The following CASZ1 variants were observed in gnomAD, a reference collection of about 807,000 sequenced individuals.
The protein encoded by CASZ1 is zinc finger protein castor homolog 1.
In CASZ1, 28 loss-of-function variants were observed where a neutral mutation model predicts 135.2. That is an observed-to-expected ratio of 0.21 (90% confidence interval 0.15 to 0.28). CASZ1 has a LOEUF of 0.28. Ranked by LOEUF, CASZ1 falls within the 10% of genes least tolerant of loss-of-function variation. CASZ1 has a pLI of 1.00. For missense variants in CASZ1, 2,161 were observed against 2,453.3 expected (o/e 0.88, Z 2.52); for synonymous variants, 1,068 against 1,073.4 (o/e 0.99, Z 0.10).
chr1:10,705,994 C>T (rs1639165294), intron 2 of CASZ1, among the ~76,000 whole-genome samples: 1 of 152,216 alleles, frequency 6.6e-6, no homozygotes, highest in African/African-American at 2.4e-5. Context: ...CCCCGGGGCC[C>T]CTGAACATAA....
chr1:10,765,541 C>A (rs1459885877), intron 1 of CASZ1, among the ~76,000 whole-genome samples: 2 of 152,164 alleles, frequency 1.3e-5, no homozygotes, highest in African/African-American at 4.8e-5. Flanking sequence ...TTCGACGGTA[C>A]ACAAACAGGG....
intron 9 of CASZ1, among the ~76,000 whole-genome samples, chr1:10,655,212 G>A (rs1410087321): frequency 6.6e-6 from 1 of 152,158 alleles, no homozygotes; most frequent in Non-Finnish European, 1.5e-5. Flanking sequence ...GACAAATACC[G>A]GGGGAGGCAT....
chr1:10,680,343 G>A (rs1216438224), intron 4 of CASZ1, among the ~76,000 whole-genome samples: 1 of 152,020 alleles, frequency 6.6e-6, no homozygotes, highest in Non-Finnish European at 1.5e-5. Context: ...AGCTGAACTT[G>A]GACCCCCAGG....
At position 10,717,738 on chromosome 1, in the gene CASZ1, CG is replaced by C. The variant is rs1639421204; in HGVS notation, c.-76-12195del. On this transcript the variant is annotated intron_variant, in intron 2 of 20. Coordinates refer to ENST00000377022, the MANE Select transcript of CASZ1 (RefSeq NM_001079843.3). This position sits in a 1 kb window ranked among gnomAD's most constrained non-coding sequence, Gnocchi z 4.6. ...GTCAGAGCTGCCGGCACCCTGAACT[CG>C]GTCCCAGGGCGTGGCATGGGGCTTC... 6.6e-6 allele frequency among the ~76,000 whole-genome samples: 1 copy of C among 152,290 alleles called. No homozygotes were observed. Among genetic ancestry groups the C allele is most frequent in the South Asian group, 2.1e-4 (1 of 4,828 alleles).
In CASZ1 at chr1:10,647,209, G is replaced by A. The variant is rs116613665; in HGVS notation, c.3497+592C>T. The A allele has an allele frequency of 2.2e-5, 22 of 987,918 alleles. No homozygotes were observed. Among genetic ancestry groups the A allele is most frequent in the Non-Finnish European group, 2.6e-5 (22 of 831,120 alleles). The allele number at this position is 987,918 out of a possible 1,614,324, so 61.2% of individuals were successfully genotyped here. A position where few individuals can be genotyped will look rare whatever the true frequency, so the allele number is the denominator to read the frequency against. On this transcript the variant is annotated intron_variant, in intron 16 of 20. Transcript: ENST00000377022. This position sits in a 1 kb window ranked among gnomAD's most constrained non-coding sequence, Gnocchi z 4.9. ...GAGGGAGGACAGCTGCCACTCAGGC[G>A]ATATAAATAATCCAATTTATTACTT...
At chr1:10,714,852 C>G in intron 2 of CASZ1, among the ~76,000 whole-genome samples, 1 of 152,164 alleles carries the variant, frequency 6.6e-6, no homozygotes, top group African/African-American at 2.4e-5. Context: ...CCTGGCCAGC[C>G]CAACCCCCAC....
Position 10,717,661 on chromosome 1 carries a change from C to T in CASZ1, c.-76-12117G>A, listed in dbSNP as rs899318541. On this transcript the variant is annotated intron_variant, in intron 2 of 20. Coordinates refer to ENST00000377022, the MANE Select transcript of CASZ1 (RefSeq NM_001079843.3). This position sits in a 1 kb window ranked among gnomAD's most constrained non-coding sequence, Gnocchi z 4.6. ...GAGGACATGGATGGGGGGCAGGGGG[C>T]AGGGGACAGGGGCGGAGGTAGAAAA... 2.0e-5 allele frequency among the ~76,000 whole-genome samples: 3 copies of T among 151,998 alleles called. No homozygotes were observed. Among genetic ancestry groups the T allele is most frequent in the African/African-American group, 7.3e-5 (3 of 41,342 alleles).
chr1:10,796,243 G>T (rs974421380), intron 1 of CASZ1, among the ~76,000 whole-genome samples: 1 of 151,814 alleles, frequency 6.6e-6, no homozygotes, highest in Non-Finnish European at 1.5e-5. Flanking sequence ...GCGACCCCCA[G>T]GAGGAGCAGC....
intron 2 of CASZ1, among the ~76,000 whole-genome samples, chr1:10,730,185 G>A (rs766411320): frequency 6.0e-5 from 9 of 151,012 alleles, no homozygotes; most frequent in Non-Finnish European, 1.0e-4. Context: ...ATCTCGGGTC[G>A]CTGCAACCTC....
rs758446268 is a variant in CASZ1 at position 10,659,689 on chromosome 1, G to C, written c.1340+13C>G. ...TCCTGGCTCTGGGCATTGTGGGGTG[G>C]GGAGCGCCTTACTTGACAGTGGAGA... On this transcript the variant is annotated intron_variant, in intron 6 of 20. Coordinates refer to ENST00000377022, the MANE Select transcript of CASZ1 (RefSeq NM_001079843.3). The C allele has an allele frequency of 9.4e-6, 15 of 1,601,072 alleles. No homozygotes were observed. The highest frequency in any genetic ancestry group is 1.2e-5 in the Non-Finnish European group (14 of 1,168,318).
At chr1:10,685,088 A>G (rs762409429) in intron 4 of CASZ1, among the ~76,000 whole-genome samples, 1 of 152,232 alleles carries the variant, frequency 6.6e-6, no homozygotes, top group Non-Finnish European at 1.5e-5. Flanking sequence ...TTAATTTACT[A>G]TTACATTGGA....
chr1:10,697,105 G>A lies in CASZ1; in HGVS notation c.-23-3193C>T, dbSNP rs6683737. ...CAAGAGGAAAAGGCCTTCAGTGGAG[G>A]AGCAGCGGTCAGAGAAGCAAGAAAC... On this transcript the variant is annotated intron_variant, in intron 3 of 20. Transcript: ENST00000377022. This position sits in a 1 kb window ranked among gnomAD's most constrained non-coding sequence, Gnocchi z 4.7. 0.074 allele frequency among the ~76,000 whole-genome samples: 11,277 copies of A among 152,274 alleles called. 1,406 individuals carry two copies. Among genetic ancestry groups the A allele is most frequent in the African/African-American group, 0.26 (10,592 of 41,512 alleles).
At chr1:10,796,049 T>A (rs1641064019) in intron 1 of CASZ1, among the ~76,000 whole-genome samples, 1 of 140,162 alleles carries the variant, frequency 7.1e-6, no homozygotes, top group Non-Finnish European at 1.6e-5. Flanking sequence ...ACCCCTCTGC[T>A]GCTGGGGGGT....
chr1:10,645,268 C>T (rs929692592), intron 17 of CASZ1, among the ~76,000 whole-genome samples, 180 bp from the exon 18 acceptor site: 2 of 152,204 alleles, frequency 1.3e-5, no homozygotes, highest in African/African-American at 4.8e-5. Flanking sequence ...CGGTGGCTCA[C>T]GCCTATAATC....
intron 1 of CASZ1, among the ~76,000 whole-genome samples, chr1:10,770,239 C>G (rs1640550887): frequency 1.3e-5 from 2 of 152,098 alleles, no homozygotes; most frequent in African/African-American, 2.4e-5. Flanking sequence ...TGTGTACCAT[C>G]ACGCCTGCCT....
In CASZ1 at chr1:10,711,130, TGG is replaced by T; in HGVS notation, c.-76-5588_-76-5587del. Among the ~76,000 whole-genome samples, 1 of 152,120 alleles carries T rather than the reference TGG, an allele frequency of 6.6e-6. No homozygotes were observed. Among genetic ancestry groups the T allele is most frequent in the Admixed American group, 6.5e-5 (1 of 15,272 alleles). ...TGGGCGACAGAGCGAGACTCCGTCT[TGG>T]GGGGAGAAAAAAGAAAAAGACAGCA... On this transcript the variant is annotated intron_variant, in intron 2 of 20. Transcript: ENST00000377022. The surrounding 1 kb of genome is among the most constrained non-coding windows in gnomAD (Gnocchi z 4.4).
In CASZ1 at chr1:10,650,627, C is replaced by A. The variant is rs1056442226; in HGVS notation, c.2880+65G>T. 74 of 1,340,356 alleles carry A rather than the reference C, an allele frequency of 5.5e-5. No homozygotes were observed. The South Asian group carries it at 8.6e-4, about 16-fold the overall frequency. The allele number at this position is 1,340,356 out of a possible 1,614,324, so 83.0% of individuals were successfully genotyped here. On this transcript the variant is annotated intron_variant, in intron 13 of 20. Coordinates refer to ENST00000377022, the MANE Select transcript of CASZ1 (RefSeq NM_001079843.3). ...ATTAAAAAACAAACACATCCCCCCACCCCCCAGCACAGCTTTAATTTCTCT... is the reference window on the plus strand; with the variant it reads ...ATTAAAAAACAAACACATCCCCCCAACCCCCAGCACAGCTTTAATTTCTCT...
rs769078906 is a variant in CASZ1 at position 10,739,902 on chromosome 1, A to G, written c.-77+20799T>C. Among the ~76,000 whole-genome samples the G allele has an allele frequency of 6.6e-6, 1 of 152,166 alleles. No individual in the cohort carries two copies. Among genetic ancestry groups the G allele is most frequent in the Non-Finnish European group, 1.5e-5 (1 of 68,026 alleles). On this transcript the variant is annotated intron_variant, in intron 2 of 20. Coordinates refer to ENST00000377022, the MANE Select transcript of CASZ1 (RefSeq NM_001079843.3). The surrounding 1 kb of genome is among the most constrained non-coding windows in gnomAD (Gnocchi z 4.8). ...GGGATCCCAGACGAGTCCCTCCTGA[A>G]AGGGCGAAACTCAGTCGTTCAGGGA...
chr1:10,745,206 T>C (rs76892273), intron 2 of CASZ1, among the ~76,000 whole-genome samples: 9,589 of 152,178 alleles, frequency 0.063, 393 homozygotes, highest in East Asian at 0.13. Flanking sequence ...CCTTTTATTT[T>C]GATTTCCTCA....
Sources: gnomAD v4.1 joint callset for allele counts (sites outside exome capture counted in the v4.1 genomes callset) on GRCh38, gnomAD v4.1.1 for gene constraint, Gnocchi (gnomAD v3.1) non-coding constraint, MANE v1.5 for transcripts, NCBI Gene and HGNC (gene_info 2026-07-23, HGNC 2026-07-21) for gene names.